ADAMTS17: variants seen among roughly 807,000 people sequenced by gnomAD.
ADAMTS17 encodes A disintegrin and metalloproteinase with thrombospondin motifs 17.
ADAMTS17 carries 113 observed loss-of-function variants against 141.5 expected under a neutral mutation model. The ratio of observed to expected loss-of-function variants is 0.80; its 90% confidence interval spans 0.69 to 0.93. The LOEUF (loss-of-function observed/expected upper bound fraction) is 0.93, where lower values mean the gene tolerates loss of function less well. Among genes scored for constraint, ADAMTS17 ranks in the 40% least tolerant of loss-of-function variants. The pLI, the probability that ADAMTS17 is intolerant of heterozygous loss-of-function variation, is 0.00. For missense variants in ADAMTS17, 1,659 were observed against 1,517.9 expected (o/e 1.09, Z -1.54); for synonymous variants, 768 against 630.6 (o/e 1.22, Z -3.27).
At chr15:100,098,230 T>C (rs2035881687) in intron 14 of ADAMTS17, among the ~76,000 whole-genome samples, 1 of 151,556 alleles carries the variant, frequency 6.6e-6, no homozygotes, top group South Asian at 2.1e-4. Context: ...GGGCTGACCA[T>C]CCAGTAGTGA....
Position 100,262,388 on chromosome 15 carries a change from A to T in ADAMTS17, c.837T>A (p.Ile279=), listed in dbSNP as rs1250012895. Residue 279 remains isoleucine (I), a synonymous_variant, in exon 5 of 22, where the codon ATT becomes ATA. Transcript: ENST00000268070. ...QHQSLGIKIN[I]QVTKLVLLRQ... ...GTAGCAGGACAAGCTTGGTCACTTG[A>T]ATGTTAATTTTAATCCCCAGGCTCT... 1.2e-6 allele frequency: 2 copies of T among 1,614,030 alleles called. No individual in the cohort carries two copies. The highest frequency in any genetic ancestry group is 4.5e-5 in the East Asian group (2 of 44,876).
At chr15:100,333,875 G>A (rs1211171762) in intron 2 of ADAMTS17, among the ~76,000 whole-genome samples, 1 of 152,190 alleles carries the variant, frequency 6.6e-6, no homozygotes, top group Non-Finnish European at 1.5e-5. Context: ...AGAAATAAAT[G>A]CCTATGGCAG....
Position 99,972,069 on chromosome 15 carries a change from G to GTGAAACCCCGTCTCTA in ADAMTS17, c.*2317_*2332dup, listed in dbSNP as rs1449858561. 6.6e-6 allele frequency: 1 copy of GTGAAACCCCGTCTCTA among 152,298 alleles called. No individual in the cohort carries two copies. Among genetic ancestry groups the GTGAAACCCCGTCTCTA allele is most frequent in the Non-Finnish European group, 1.5e-5 (1 of 68,156 alleles). 9.4% of individuals were successfully genotyped at this position (152,298 alleles called of 1,614,324 possible). ...GATCGAGACCATCCTGGCTAACATGGTGAAACCCCGTCTCTAGTAAAAATA... is the reference window on the plus strand; with the variant it reads ...GATCGAGACCATCCTGGCTAACATGGTGAAACCCCGTCTCTATGAAACCCCGTCTCTAGTAAAAATA... On this transcript the variant is annotated 3_prime_UTR_variant, in exon 22 of 22. Transcript: ENST00000268070.
At chr15:100,004,156 G>A (rs993476079) in intron 18 of ADAMTS17, among the ~76,000 whole-genome samples, 3 of 152,242 alleles carry the variant, frequency 2.0e-5, no homozygotes, top group African/African-American at 4.8e-5. Context: ...CGCTGTGCCC[G>A]GGGTGCACAC....
intron 7 of ADAMTS17, among the ~76,000 whole-genome samples, chr15:100,216,070 T>C (rs764151866): frequency 6.6e-6 from 1 of 152,196 alleles, no homozygotes; most frequent in Non-Finnish European, 1.5e-5. Context: ...GGGTCTGCAT[T>C]TGAGTCTCCC....
intron 19 of ADAMTS17, among the ~76,000 whole-genome samples, chr15:99,995,996 G>A (rs1390036823): frequency 6.6e-6 from 1 of 151,616 alleles, no homozygotes; most frequent in Non-Finnish European, 1.5e-5. Flanking sequence ...AATGATAATT[G>A]ATGATGTCAG....
At chr15:100,065,244 A>G (rs2033433905) in intron 15 of ADAMTS17, among the ~76,000 whole-genome samples, 1 of 152,242 alleles carries the variant, frequency 6.6e-6, no homozygotes, top group Non-Finnish European at 1.5e-5. Flanking sequence ...ACATACATAT[A>G]TCATTTTATG....
At position 100,116,355 on chromosome 15, in the gene ADAMTS17, C is replaced by T. The variant is rs77745717; in HGVS notation, c.1888+492G>A. Among the ~76,000 whole-genome samples the T allele has an allele frequency of 1.4e-4, 22 of 152,316 alleles. 1 individual carries two copies. In the East Asian group the frequency reaches 4.2e-3, roughly 29 times the overall value. ...AGAAAATGGGACCTGTGCTTATTAT[C>T]ATCTTTCCTAAGTTGCAAACTATTC... is the stretch of plus-strand genomic sequence containing the variant. On this transcript the variant is annotated intron_variant, in intron 13 of 21. Transcript: ENST00000268070.
rs1175486844 is a variant in ADAMTS17, at chr15:100,051,572, C to T, written c.2455G>A (p.Gly819Arg). Residue 819 changes from glycine (G) to arginine (R), a missense_variant and splice_region_variant, in exon 17 of 22, where the codon GGG becomes AGG. Gly to Arg is a moderately radical substitution (Grantham distance 125). Coordinates refer to ENST00000268070, the MANE Select transcript of ADAMTS17 (RefSeq NM_139057.4). ...WEGCSVQCGG[G>R]ERRTIVSCTR... ...CAGGTCATGGACCACGGCCACTCACCTCCGCCGCACTGCACACTGCACCCT... is the reference window on the plus strand; with the variant it reads ...CAGGTCATGGACCACGGCCACTCACTTCCGCCGCACTGCACACTGCACCCT... 6.2e-7 allele frequency: 1 copy of T among 1,613,300 alleles called. No homozygotes were observed. Among genetic ancestry groups the T allele is most frequent in the Non-Finnish European group, 8.5e-7 (1 of 1,179,918 alleles).
At chr15:100,087,271 T>A (rs1382848421) in intron 15 of ADAMTS17, among the ~76,000 whole-genome samples, 1 of 152,076 alleles carries the variant, frequency 6.6e-6, no homozygotes, top group Non-Finnish European at 1.5e-5. Context: ...ACATACACCC[T>A]CCCAAGACGA....
chr15:100,235,554 T>A (rs903666071), intron 7 of ADAMTS17, among the ~76,000 whole-genome samples: 1 of 151,870 alleles, frequency 6.6e-6, no homozygotes, highest in Non-Finnish European at 1.5e-5. Context: ...TCACAGATGC[T>A]CGGCATCACC....
At chr15:100,181,373 G>C (rs1428850372) in intron 8 of ADAMTS17, among the ~76,000 whole-genome samples, 1 of 152,202 alleles carries the variant, frequency 6.6e-6, no homozygotes, top group Non-Finnish European at 1.5e-5. Context: ...CTTTTCTCAA[G>C]CAGAAGGAGT....
intron 8 of ADAMTS17, among the ~76,000 whole-genome samples, chr15:100,166,198 T>G (rs1428599229): frequency 6.6e-6 from 1 of 152,230 alleles, no homozygotes; most frequent in Non-Finnish European, 1.5e-5. Flanking sequence ...AAACCGTGAA[T>G]AAGATCTGCT....
chr15:100,330,817 G>A, intron 3 of ADAMTS17, 72 bp downstream of exon 3: 1 of 1,577,870 alleles, frequency 6.3e-7, no homozygotes, highest in Non-Finnish European at 8.7e-7. Flanking sequence ...TGGCTTCAGT[G>A]CACTTGGAGA....
rs961142451 is a variant in ADAMTS17, at chr15:100,231,730, C to T, written c.1075+22406G>A. On this transcript the variant is annotated intron_variant, in intron 7 of 21. Coordinates refer to ENST00000268070, the MANE Select transcript of ADAMTS17 (RefSeq NM_139057.4). ...TGGTCAGGTGCCGGTTTTTCTTGAACTCACTCAGTCTTGTCCAAAAGGGTC... is the reference window on the plus strand; with the variant it reads ...TGGTCAGGTGCCGGTTTTTCTTGAATTCACTCAGTCTTGTCCAAAAGGGTC... Among the ~76,000 whole-genome samples the T allele has an allele frequency of 1.7e-4, 26 of 152,244 alleles. 1 individual carries two copies. Among genetic ancestry groups the T allele is most frequent in the African/African-American group, 5.5e-4 (23 of 41,546 alleles).
chr15:100,324,685 T>C (rs942774114), intron 3 of ADAMTS17, among the ~76,000 whole-genome samples: 1 of 152,212 alleles, frequency 6.6e-6, no homozygotes. Context: ...TGAGAGTCTC[T>C]AGCTCCCAGC....
chr15:100,112,448 T>C (rs2036848232), intron 13 of ADAMTS17, among the ~76,000 whole-genome samples: 1 of 152,150 alleles, frequency 6.6e-6, no homozygotes. Context: ...CTATATGGCA[T>C]GATCTCCCAA....
chr15:100,284,474 C>T (rs145862542), intron 3 of ADAMTS17, among the ~76,000 whole-genome samples: 3 of 152,304 alleles, frequency 2.0e-5, no homozygotes, highest in African/African-American at 4.8e-5. Flanking sequence ...GAGCTTGCCA[C>T]AAAATGAGTG....
At chr15:100,260,001 C>T (rs534819951) in intron 6 of ADAMTS17, among the ~76,000 whole-genome samples, 5 of 152,274 alleles carry the variant, frequency 3.3e-5, no homozygotes, top group East Asian at 1.9e-4. Context: ...TGCACCACCA[C>T]GCCCAGCTAA....
Sources: allele counts gnomAD v4.1 joint callset (sites outside exome capture counted in the v4.1 genomes callset), GRCh38; gene constraint gnomAD v4.1.1; transcripts MANE v1.5; gene names NCBI Gene and HGNC (gene_info 2026-07-23, HGNC 2026-07-21).